PAG1: variants seen among roughly 807,000 people sequenced by gnomAD.
The protein encoded by PAG1 is phosphoprotein membrane anchor with glycosphingolipid microdomains 1.
In PAG1, 23 loss-of-function variants were observed where a neutral mutation model predicts 31.7. The ratio of observed to expected loss-of-function variants is 0.73; its 90% CI spans 0.52 to 1.03. The LOEUF is 1.03. Among genes scored for constraint, PAG1 ranks in the 50% least tolerant of loss-of-function variants. The pLI is 0.00. For synonymous variants in PAG1, 214 were observed against 210.3 expected, an observed-to-expected ratio of 1.02 and a Z score of -0.15; for missense variants, 473 against 540.7, an observed-to-expected ratio of 0.87 and a Z score of 1.24.
intron 2 of PAG1, among the ~76,000 whole-genome samples, chr8:81,033,490 A>G (rs1000124372): frequency 1.3e-5 from 2 of 152,232 alleles, no homozygotes; most frequent in East Asian, 1.9e-4. Context: ...CATACCTTCA[A>G]TATTGATTTC....
intron 4 of PAG1, among the ~76,000 whole-genome samples, chr8:80,992,185 G>T (rs188658043): frequency 6.6e-6 from 1 of 152,184 alleles, no homozygotes; most frequent in South Asian, 2.1e-4. Flanking sequence ...CCGGCCCTGC[G>T]GCCTCTTTGT....
intron 2 of PAG1, among the ~76,000 whole-genome samples, chr8:81,044,995 C>T (rs749309311): frequency 9.9e-5 from 15 of 152,132 alleles, no homozygotes; most frequent in Non-Finnish European, 1.3e-4. Context: ...TGCTATTTTG[C>T]ACTTGCTTGT....
At chr8:80,994,808 T>C (rs959384079) in intron 3 of PAG1, among the ~76,000 whole-genome samples, 1 of 152,246 alleles carries the variant, frequency 6.6e-6, no homozygotes, top group African/African-American at 2.4e-5. Context: ...TTAAAGAATA[T>C]TTGCTTTGCT....
chr8:81,026,162 C>A (rs1586173283), intron 3 of PAG1, among the ~76,000 whole-genome samples: 1 of 151,816 alleles, frequency 6.6e-6, no homozygotes, highest in Admixed American at 6.6e-5. Context: ...GTGCTTAGAC[C>A]AGTGCTTGCC....
At chr8:80,989,447 G>C (rs1436253386) in intron 5 of PAG1, among the ~76,000 whole-genome samples, 1 of 152,142 alleles carries the variant, frequency 6.6e-6, no homozygotes, top group African/African-American at 2.4e-5. Flanking sequence ...TAAGATCTAG[G>C]AGCTGAAAAG....
intron 1 of PAG1, among the ~76,000 whole-genome samples, chr8:81,080,505 T>C (rs1257830473): frequency 6.6e-6 from 1 of 152,146 alleles, no homozygotes. Context: ...AAAAACCAGC[T>C]GATGGTTGGT....
intron 1 of PAG1, among the ~76,000 whole-genome samples, chr8:81,091,053 A>G (rs763246842): frequency 6.6e-6 from 1 of 152,222 alleles, no homozygotes; most frequent in Non-Finnish European, 1.5e-5. Flanking sequence ...TAAGGGTCTA[A>G]ACTAAGAGAA....
At chr8:81,081,499 C>G (rs1389351305) in intron 1 of PAG1, among the ~76,000 whole-genome samples, 1 of 152,088 alleles carries the variant, frequency 6.6e-6, no homozygotes, top group Non-Finnish European at 1.5e-5. Flanking sequence ...GGTAAACACA[C>G]TGATAGAAGG....
rs375441112 is a variant in PAG1, at chr8:81,073,397, T to C, written c.-233-3227A>G. 5.9e-5 allele frequency among the ~76,000 whole-genome samples: 9 copies of C among 152,296 alleles called. 2 individuals are homozygous for C. The highest frequency in any genetic ancestry group is 3.3e-4 in the Admixed American group (5 of 15,294). On this transcript the variant is annotated intron_variant, in intron 1 of 8. Coordinates refer to ENST00000220597, the MANE Select transcript of PAG1 (RefSeq NM_018440.4). ...AAGCGACAGGATTCTCAGATGGAAT[T>C]TGATGTTGGTCCTTTCCCCTCCTGA...
chr8:81,018,816 T>C (rs893046099), intron 3 of PAG1, among the ~76,000 whole-genome samples: 1 of 152,156 alleles, frequency 6.6e-6, no homozygotes, highest in African/African-American at 2.4e-5. Flanking sequence ...ATACAGTAAA[T>C]TGGGACCAGG....
intron 3 of PAG1, among the ~76,000 whole-genome samples, chr8:81,009,085 T>A (rs963185623): frequency 3.3e-5 from 5 of 152,208 alleles, no homozygotes; most frequent in Non-Finnish European, 7.3e-5. Context: ...TTTCCTTTCT[T>A]CTTTTCCCCT....
chr8:81,050,795 G>A (rs750275047), intron 2 of PAG1, among the ~76,000 whole-genome samples: 1 of 152,156 alleles, frequency 6.6e-6, no homozygotes, highest in Non-Finnish European at 1.5e-5. Flanking sequence ...AGTCAACTCC[G>A]CAATCGCATC....
chr8:81,104,784 G>C (rs1563432557), intron 1 of PAG1, among the ~76,000 whole-genome samples: 3 of 151,976 alleles, frequency 2.0e-5, no homozygotes, highest in Admixed American at 2.0e-4. Context: ...GTATTCAAAA[G>C]CTTTTTTTGC....
At chr8:80,998,277 G>A (rs539580850) in intron 3 of PAG1, among the ~76,000 whole-genome samples, 13 of 151,886 alleles carry the variant, frequency 8.6e-5, no homozygotes, top group Admixed American at 6.6e-5. Flanking sequence ...CTTCAGGCGC[G>A]CGCCACCATG....
intron 2 of PAG1, among the ~76,000 whole-genome samples, chr8:81,051,635 T>C (rs574537806): frequency 6.6e-6 from 1 of 152,300 alleles, no homozygotes; most frequent in African/African-American, 2.4e-5. Context: ...TAACAATTTT[T>C]GTAAAGTTAA....
intron 3 of PAG1, among the ~76,000 whole-genome samples, chr8:81,016,071 A>G (rs1316990429): frequency 1.3e-5 from 2 of 152,198 alleles, no homozygotes. Flanking sequence ...CCCAGTAGCC[A>G]GCCAATCCTC....
chr8:81,092,869 G>C (rs1469397270), intron 1 of PAG1, among the ~76,000 whole-genome samples: 1 of 152,116 alleles, frequency 6.6e-6, no homozygotes, highest in Non-Finnish European at 1.5e-5. Context: ...TATGAGAATT[G>C]ACAGAGAAAG....
chr8:80,986,690 G>T (rs114515339), intron 6 of PAG1, among the ~76,000 whole-genome samples: 2,704 of 152,128 alleles, frequency 0.018, 75 homozygotes, highest in African/African-American at 0.062. Flanking sequence ...GGGTATGGAG[G>T]GATTAGGGCT....
intron 2 of PAG1, among the ~76,000 whole-genome samples, chr8:81,054,357 G>A (rs1461566181): frequency 6.6e-6 from 1 of 152,084 alleles, no homozygotes; most frequent in Non-Finnish European, 1.5e-5. Flanking sequence ...GCAAAATGAG[G>A]ATAATGACTC....
Sources: gnomAD v4.1 joint callset for allele counts (sites outside exome capture counted in the v4.1 genomes callset) on GRCh38, gnomAD v4.1.1 for gene constraint, MANE v1.5 for transcripts, NCBI Gene and HGNC (gene_info 2026-07-23, HGNC 2026-07-21) for gene names.